APLP2: variants seen among roughly 807,000 people sequenced by gnomAD.
APLP2 encodes CDEI box-binding protein.
In APLP2, 53 loss-of-function variants were observed where a neutral mutation model predicts 89.9. The observed-to-expected ratio is 0.59, with a 90% CI of 0.47 to 0.74. The LOEUF (loss-of-function observed/expected upper bound fraction) is 0.74. Ranked by LOEUF, APLP2 falls within the 30% of genes least tolerant of loss-of-function variation. APLP2 has a pLI of 0.00. For synonymous variants in APLP2, 372 were observed against 348.6 expected (o/e 1.07, Z -0.75); for missense variants, 973 against 975.9 (o/e 1.00, Z 0.04).
chr11:130,134,974 G>A (rs1951399584), intron 12 of APLP2, among the ~76,000 whole-genome samples: 1 of 152,110 alleles, frequency 6.6e-6, no homozygotes, highest in Non-Finnish European at 1.5e-5. Context: ...TTTAGGTGAG[G>A]CAGAGGTCAG....
chr11:130,083,598 G>C (rs1325540214), intron 1 of APLP2, among the ~76,000 whole-genome samples: 1 of 152,134 alleles, frequency 6.6e-6, no homozygotes, highest in Non-Finnish European at 1.5e-5. Flanking sequence ...TTTGTGACTT[G>C]TTTATTTTAC....
intron 1 of APLP2, among the ~76,000 whole-genome samples, chr11:130,083,033 T>C (rs892076753): frequency 8.0e-6 from 1 of 125,316 alleles, no homozygotes; most frequent in Non-Finnish European, 1.6e-5. Context: ...TTTCTTTTTT[T>C]TTTTTTTTTT....
intron 1 of APLP2, among the ~76,000 whole-genome samples, chr11:130,093,947 A>G (rs779592866): frequency 2.6e-5 from 4 of 151,132 alleles, no homozygotes; most frequent in Non-Finnish European, 4.4e-5. Flanking sequence ...GGGTTTCACC[A>G]TGTTAGCCAG....
chr11:130,103,225 C>T (rs565766566), intron 1 of APLP2, among the ~76,000 whole-genome samples: 7 of 152,160 alleles, frequency 4.6e-5, no homozygotes, highest in African/African-American at 9.7e-5. Context: ...CTTTTACACC[C>T]TAGGTAGGGT....
At chr11:130,105,829 G>C (rs1324528194) in intron 1 of APLP2, among the ~76,000 whole-genome samples, 1 of 151,400 alleles carries the variant, frequency 6.6e-6, no homozygotes, top group Non-Finnish European at 1.5e-5. Context: ...TCAGCCTCCT[G>C]AGTAGCTGGG....
At chr11:130,117,846 GGGTGGATCACAA>G in intron 3 of APLP2, among the ~76,000 whole-genome samples, 1 of 152,250 alleles carries the variant, frequency 6.6e-6, no homozygotes, top group South Asian at 2.1e-4. Flanking sequence ...GCCGAGGCCG[GGGTGGATCACAA>G]GGTCAGTAGA....
chr11:130,080,138 G>A (rs1591760062), intron 1 of APLP2, among the ~76,000 whole-genome samples: 2 of 152,190 alleles, frequency 1.3e-5, no homozygotes, highest in East Asian at 1.9e-4. Context: ...TTCTCTTTTT[G>A]TAATATACTT....
intron 1 of APLP2, chr11:130,070,532 C>T: frequency 2.4e-6 from 3 of 1,266,010 alleles, no homozygotes; most frequent in South Asian, 5.3e-5. Flanking sequence ...GGGGCCTCGG[C>T]TCCGGGCCTC....
chr11:130,084,661 CT>C lies in APLP2; in HGVS notation c.105+14581del, dbSNP rs1205982137. Among the ~76,000 whole-genome samples the C allele has an allele frequency of 2.0e-5, 3 of 151,588 alleles. No homozygotes were observed. In the East Asian group the frequency reaches 5.8e-4, roughly 29 times the overall value. On this transcript the variant is annotated intron_variant, in intron 1 of 16. Transcript: ENST00000338167. ...AATGAAAACACAACATACCAAAACCCTTGGGATGCAGCAAAAGCACCACTGA... is the reference window on the plus strand; with the variant it reads ...AATGAAAACACAACATACCAAAACCCTGGGATGCAGCAAAAGCACCACTGA...
At chr11:130,087,208 A>G (rs1275178974) in intron 1 of APLP2, among the ~76,000 whole-genome samples, 1 of 152,220 alleles carries the variant, frequency 6.6e-6, no homozygotes, top group Non-Finnish European at 1.5e-5. Flanking sequence ...AGTAACTGTC[A>G]TCAGCGTCCT....
Position 130,138,067 on chromosome 11 carries a change from C to T in APLP2, c.1838-2331C>T, listed in dbSNP as rs116675467. On this transcript the variant is annotated intron_variant, in intron 13 of 16. Coordinates refer to ENST00000338167, the MANE Select transcript of APLP2 (RefSeq NM_001142276.2). Reference sequence around the variant, plus strand: ...TGAACCCAGTTCTCTGTTCCCCAAGCCCATGTGATTTCATTACCTGAGTTG... The same window carrying T: ...TGAACCCAGTTCTCTGTTCCCCAAGTCCATGTGATTTCATTACCTGAGTTG... 2.4e-3 allele frequency among the ~76,000 whole-genome samples: 365 copies of T among 152,308 alleles called. 2 individuals carry two copies. The highest frequency in any genetic ancestry group is 8.4e-3 in the African/African-American group (349 of 41,566).
At chr11:130,125,236 C>G (rs745551282) in intron 7 of APLP2, among the ~76,000 whole-genome samples, 1 of 152,296 alleles carries the variant, frequency 6.6e-6, no homozygotes. Context: ...AAAAGCATTT[C>G]GGCCCGCTGT....
chr11:130,129,654 T>G (rs944766141), intron 10 of APLP2, among the ~76,000 whole-genome samples: 1 of 152,168 alleles, frequency 6.6e-6, no homozygotes, highest in Admixed American at 6.5e-5. Context: ...CTTTGGGGGA[T>G]GGAAAGTATT....
At chr11:130,077,475 G>A (rs1330096578) in intron 1 of APLP2, among the ~76,000 whole-genome samples, 1 of 152,146 alleles carries the variant, frequency 6.6e-6, no homozygotes, top group Non-Finnish European at 1.5e-5. Context: ...CCGGAGAGGT[G>A]AACTATTAGA....
rs1170652053 is a variant in APLP2 at position 130,091,841 on chromosome 11, C to T, written c.106-17588C>T. Among the ~76,000 whole-genome samples the T allele has an allele frequency of 4.7e-4, 70 of 148,296 alleles. No individual in the cohort carries two copies. The East Asian group carries it at 8.0e-3, about 17-fold the overall frequency. ...GGCTGACCCCCCCCCACCTCCCTCC[C>T]GGACGGGGTGGCTGCCGGGTGGAGA... On this transcript the variant is annotated intron_variant, in intron 1 of 16. Coordinates refer to ENST00000338167, the MANE Select transcript of APLP2 (RefSeq NM_001142276.2).
chr11:130,079,395 G>C (rs1356597863), intron 1 of APLP2, among the ~76,000 whole-genome samples: 1 of 152,054 alleles, frequency 6.6e-6, no homozygotes, highest in Non-Finnish European at 1.5e-5. Flanking sequence ...CACTACGCCC[G>C]GCCCATGACA....
At chr11:130,083,456 T>C (rs1943585768) in intron 1 of APLP2, among the ~76,000 whole-genome samples, 1 of 152,246 alleles carries the variant, frequency 6.6e-6, no homozygotes, top group African/African-American at 2.4e-5. Flanking sequence ...CTTATGCATC[T>C]TGCAAAACGG....
At chr11:130,136,892 A>ACT (rs1272977221) in intron 13 of APLP2, among the ~76,000 whole-genome samples, 1 of 152,164 alleles carries the variant, frequency 6.6e-6, no homozygotes, top group Non-Finnish European at 1.5e-5. Flanking sequence ...ATATACCTGA[A>ACT]CTAGGACCTT....
At chr11:130,077,239 A>C (rs545471625) in intron 1 of APLP2, among the ~76,000 whole-genome samples, 1 of 152,382 alleles carries the variant, frequency 6.6e-6, no homozygotes, top group South Asian at 2.1e-4. Flanking sequence ...GGATAATGCT[A>C]TCATTTTAAA....
Sources: allele counts gnomAD v4.1 joint callset (sites outside exome capture counted in the v4.1 genomes callset), GRCh38; gene constraint gnomAD v4.1.1; transcripts MANE v1.5; gene names NCBI Gene and HGNC (gene_info 2026-07-23, HGNC 2026-07-21).